FCHSD2: variants seen among roughly 807,000 people sequenced by gnomAD.
FCHSD2 encodes F-BAR and double SH3 domains protein 2.
Under a neutral mutation model 108.1 loss-of-function variants are expected in FCHSD2, and 38 were observed. That is an observed-to-expected ratio of 0.35 (90% confidence interval 0.27 to 0.46). The LOEUF is 0.46. FCHSD2 is among the 20% of genes least tolerant of loss of function. The probability of loss-of-function intolerance (pLI) is 1.00; values close to 1 mark genes in which losing one functional copy is unlikely to be tolerated. For synonymous variants in FCHSD2, 279 were observed against 314.7 expected (o/e 0.89, Z 1.20); for missense variants, 751 against 897.8 (o/e 0.84, Z 2.09).
chr11:72,923,534 G>C (rs978698597), intron 8 of FCHSD2, among the ~76,000 whole-genome samples: 1 of 152,006 alleles, frequency 6.6e-6, no homozygotes, highest in African/African-American at 2.4e-5. Flanking sequence ...TATCTTTGTA[G>C]TTTTGATTTG....
chr11:72,993,746 T>A (rs887476566), intron 5 of FCHSD2, among the ~76,000 whole-genome samples: 1 of 113,148 alleles, frequency 8.8e-6, no homozygotes, highest in Non-Finnish European at 1.8e-5. Flanking sequence ...CATCACACAC[T>A]GGGGCCTGTT....
intron 4 of FCHSD2, among the ~76,000 whole-genome samples, chr11:73,005,933 G>A (rs1857730832): frequency 6.7e-6 from 1 of 148,820 alleles, no homozygotes; most frequent in Non-Finnish European, 1.5e-5. Context: ...TAAAGAGGCA[G>A]GGTCTTGTTC....
chr11:72,938,132 T>G (rs1297532008), intron 8 of FCHSD2, among the ~76,000 whole-genome samples: 1 of 151,120 alleles, frequency 6.6e-6, no homozygotes, highest in Non-Finnish European at 1.5e-5. Context: ...AAATGAAGAG[T>G]GCTGAAGGTA....
intron 4 of FCHSD2, among the ~76,000 whole-genome samples, chr11:73,009,940 A>G (rs1467686007): frequency 6.6e-6 from 1 of 152,156 alleles, no homozygotes; most frequent in Non-Finnish European, 1.5e-5. Flanking sequence ...CTGGATGTCT[A>G]AATCTCGTTA....
At chr11:72,906,483 G>C (rs564965258) in intron 9 of FCHSD2, among the ~76,000 whole-genome samples, 1 of 152,248 alleles carries the variant, frequency 6.6e-6, no homozygotes, top group Admixed American at 6.5e-5. Flanking sequence ...CGGTGTTTTA[G>C]TCATGAAGTC....
chr11:72,984,192 T>C lies in FCHSD2; in HGVS notation c.601A>G (p.Asn201Asp). 6.2e-7 allele frequency: 1 copy of C among 1,613,886 alleles called. No individual in the cohort carries two copies. Among genetic ancestry groups the C allele is most frequent in the Non-Finnish European group, 8.5e-7 (1 of 1,179,760 alleles). Reference protein sequence around the residue: ...VKLKARRSECNSKATHARNDY... With the variant: ...VKLKARRSECDSKATHARNDY... Reference sequence around the variant, plus strand: ...TTCCTTGCGTGGGTAGCTTTGGAATTACACTCAGATCGCCGGGCTTTTAAC... The same window carrying C: ...TTCCTTGCGTGGGTAGCTTTGGAATCACACTCAGATCGCCGGGCTTTTAAC... The change falls in exon 8 of 20, where the codon AAT (asparagine) becomes GAT (aspartate). Residue 201 changes from asparagine (N) to aspartate (D), a missense_variant. Coordinates refer to ENST00000409418, the MANE Select transcript of FCHSD2 (RefSeq NM_014824.3).
chr11:73,046,565 T>C (rs990746960), intron 3 of FCHSD2, among the ~76,000 whole-genome samples: 1 of 152,344 alleles, frequency 6.6e-6, no homozygotes, highest in African/African-American at 2.4e-5. Context: ...TAAATTGGTG[T>C]AGCATTTTAA....
At chr11:72,959,473 G>A (rs546810885) in intron 8 of FCHSD2, among the ~76,000 whole-genome samples, 99 of 13,372 alleles carry the variant, frequency 7.4e-3, no homozygotes, top group Middle Eastern at 0.05. Context: ...CTGACCTCAT[G>A]ATCCGCCCGC....
intron 12 of FCHSD2, among the ~76,000 whole-genome samples, chr11:72,876,860 G>A (rs192157021): frequency 2.6e-5 from 4 of 151,896 alleles, no homozygotes; most frequent in Admixed American, 6.6e-5. Flanking sequence ...TTATATATAC[G>A]TCCAGGATTT....
chr11:72,865,873 GTC>G (rs1283499378), intron 13 of FCHSD2, among the ~76,000 whole-genome samples: 1 of 152,168 alleles, frequency 6.6e-6, no homozygotes. Context: ...CAGTAGTCCA[GTC>G]ATACACTGCC....
chr11:73,047,694 T>C (rs1283105220), intron 3 of FCHSD2, among the ~76,000 whole-genome samples: 1 of 152,242 alleles, frequency 6.6e-6, no homozygotes, highest in Admixed American at 6.5e-5. Context: ...TCTTTTCCTT[T>C]CATTTGGCAT....
At chr11:72,887,284 A>G (rs965847054) in intron 12 of FCHSD2, among the ~76,000 whole-genome samples, 186 bp downstream of exon 12, 2 of 152,170 alleles carry the variant, frequency 1.3e-5, no homozygotes, top group African/African-American at 4.8e-5. Flanking sequence ...ACTTTACAGC[A>G]TCTTTTTGTT....
chr11:72,979,620 A>C (rs559115604), intron 8 of FCHSD2, among the ~76,000 whole-genome samples: 1 of 152,356 alleles, frequency 6.6e-6, no homozygotes, highest in South Asian at 2.1e-4. Flanking sequence ...AAGAGTTTTC[A>C]ACCTTTAATT....
intron 8 of FCHSD2, among the ~76,000 whole-genome samples, chr11:72,931,071 C>T (rs1346877298): frequency 2.1e-5 from 3 of 145,978 alleles, no homozygotes; most frequent in Non-Finnish European, 4.5e-5. Flanking sequence ...TATATATATA[C>T]CTACTATATA....
chr11:73,116,715 T>G (rs1051904418), intron 2 of FCHSD2, among the ~76,000 whole-genome samples: 3 of 152,060 alleles, frequency 2.0e-5, no homozygotes, highest in Admixed American at 2.0e-4. Flanking sequence ...GCTTTTTATT[T>G]TTATTAGGGA....
chr11:72,899,735 TAAAAA>T (rs10674308), intron 10 of FCHSD2, among the ~76,000 whole-genome samples: 15 of 72,736 alleles, frequency 2.1e-4, no homozygotes, highest in East Asian at 4.8e-4. Flanking sequence ...GACCCTATCT[TAAAAA>T]AAAAAAAAAA....
chr11:72,911,038 C>T (rs1855754539), intron 9 of FCHSD2, among the ~76,000 whole-genome samples: 1 of 152,098 alleles, frequency 6.6e-6, no homozygotes, highest in East Asian at 1.9e-4. Flanking sequence ...GTTGCCTGTG[C>T]TTGCAGGGTA....
intron 2 of FCHSD2, among the ~76,000 whole-genome samples, chr11:73,096,522 G>T (rs546456313): frequency 6.6e-6 from 1 of 152,200 alleles, no homozygotes; most frequent in African/African-American, 2.4e-5. Context: ...CTGCACTCCA[G>T]CCTGGGTGGC....
intron 5 of FCHSD2, among the ~76,000 whole-genome samples, chr11:73,000,109 C>T (rs1316830172): frequency 1.3e-5 from 2 of 152,096 alleles, no homozygotes; most frequent in Admixed American, 1.3e-4. Flanking sequence ...TTTCATGCTA[C>T]TAGAATCATC....
Sources: gnomAD v4.1 joint callset for allele counts (sites outside exome capture counted in the v4.1 genomes callset) on GRCh38, gnomAD v4.1.1 for gene constraint, MANE v1.5 for transcripts, NCBI Gene and HGNC (gene_info 2026-07-23, HGNC 2026-07-21) for gene names.